MAF: variants seen among roughly 807,000 people sequenced by gnomAD.
MAF encodes MAF bZIP transcription factor, also known as transcription factor Maf.
In MAF, 10 loss-of-function variants were observed where a neutral mutation model predicts 22.0. The observed-to-expected ratio is 0.45, with a 90% CI of 0.28 to 0.77. The LOEUF (loss-of-function observed/expected upper bound fraction) is 0.77, where lower values mean the gene tolerates loss of function less well. MAF is among the 30% of genes least tolerant of loss of function. The pLI is 0.12. For missense variants in MAF, 544 were observed against 548.4 expected (o/e 0.99, Z 0.08); for synonymous variants, 337 against 255.8 (o/e 1.32, Z -3.03).
the MAF span, among the ~76,000 whole-genome samples, chr16:79,480,102 T>C: frequency 6.6e-6 from 1 of 152,286 alleles, no homozygotes; most frequent in East Asian, 1.9e-4. Context: ...TGTACCCAGA[T>C]ACTCCTTGAC....
At chr16:79,597,043 A>G in intron 1 of MAF, 1 of 1,057,452 alleles carries the variant, frequency 9.5e-7, no homozygotes, top group South Asian at 4.6e-5. Context: ...TTGGTTTTCA[A>G]TACAGTCAGT....
chr16:79,471,610 G>C, the MAF span, among the ~76,000 whole-genome samples: 1 of 152,216 alleles, frequency 6.6e-6, no homozygotes, highest in African/African-American at 2.4e-5. Context: ...CCTGGAAGCA[G>C]AGGTTGCAGT....
At chr16:79,452,562 C>G in the MAF span, among the ~76,000 whole-genome samples, 1 of 151,772 alleles carries the variant, frequency 6.6e-6, no homozygotes, top group African/African-American at 2.4e-5. Flanking sequence ...GTAAAATTTA[C>G]CCTCTCATTT....
At chr16:79,340,677 C>T in the MAF span, among the ~76,000 whole-genome samples, 2 of 151,924 alleles carry the variant, frequency 1.3e-5, no homozygotes, top group African/African-American at 2.4e-5. Flanking sequence ...GATAGGGAGA[C>T]ATCGAGTATC....
the MAF span, among the ~76,000 whole-genome samples, chr16:79,353,198 T>G: frequency 3.6e-4 from 55 of 152,136 alleles, 1 homozygote; most frequent in East Asian, 1.6e-3. Context: ...CTCAGCTCAC[T>G]GCAACCTCTG....
At chr16:79,250,270 G>A in the MAF span, among the ~76,000 whole-genome samples, 150 of 152,316 alleles carry the variant, frequency 9.8e-4, no homozygotes, top group African/African-American at 3.6e-3. Flanking sequence ...TTGCAAAGGA[G>A]GCCATCCAAA....
the MAF span, among the ~76,000 whole-genome samples, chr16:79,364,673 A>G: frequency 3.9e-5 from 6 of 152,298 alleles, no homozygotes; most frequent in African/African-American, 9.6e-5. Flanking sequence ...ATCCATGTGT[A>G]TATGTGCCAT....
the MAF span, among the ~76,000 whole-genome samples, chr16:79,231,893 G>T: frequency 1.3e-5 from 2 of 151,974 alleles, no homozygotes; most frequent in African/African-American, 4.8e-5. Context: ...TTATTTTCCT[G>T]CAACTAGACG....
the MAF span, among the ~76,000 whole-genome samples, chr16:79,527,894 C>T: frequency 2.0e-5 from 3 of 152,086 alleles, no homozygotes; most frequent in African/African-American, 7.2e-5. Context: ...GTAATCCCAC[C>T]ACTTTGGGAG....
the MAF span, among the ~76,000 whole-genome samples, chr16:79,335,413 G>T: frequency 6.6e-6 from 1 of 152,316 alleles, no homozygotes; most frequent in South Asian, 2.1e-4. Context: ...GCTAAGTCAA[G>T]CTGAAATGTG....
the MAF span, among the ~76,000 whole-genome samples, chr16:79,545,288 A>G: frequency 6.6e-6 from 1 of 152,176 alleles, no homozygotes; most frequent in Admixed American, 6.5e-5. Flanking sequence ...GAACATACAC[A>G]GTGTCTGTGT....
chr16:79,342,829 T>C, the MAF span, among the ~76,000 whole-genome samples: 13 of 152,162 alleles, frequency 8.5e-5, no homozygotes, highest in Non-Finnish European at 1.3e-4. Context: ...ACAGATCACA[T>C]GGTCCATGCA....
At chr16:79,274,332 C>T in the MAF span, among the ~76,000 whole-genome samples, 4,084 of 151,950 alleles carry the variant, frequency 0.027, 68 homozygotes, top group Middle Eastern at 0.044. Context: ...TCCATAAACC[C>T]GTGCTCACTC....
chr16:79,263,612 T>G, the MAF span, among the ~76,000 whole-genome samples: 3 of 152,360 alleles, frequency 2.0e-5, no homozygotes, highest in Admixed American at 6.5e-5. Context: ...CATGCCAATC[T>G]TAGTCAAAGT....
At chr16:79,222,979 G>C in the MAF span, among the ~76,000 whole-genome samples, 3 of 152,066 alleles carry the variant, frequency 2.0e-5, no homozygotes, top group African/African-American at 4.8e-5. Flanking sequence ...AAATTAACAA[G>C]GATATCCAGG....
At chr16:79,416,798 G>T in the MAF span, among the ~76,000 whole-genome samples, 1 of 152,206 alleles carries the variant, frequency 6.6e-6, no homozygotes, top group African/African-American at 2.4e-5. Context: ...GTAGAAAGTT[G>T]GGGAAGCCGC....
chr16:79,505,151 G>A, the MAF span, among the ~76,000 whole-genome samples: 16 of 152,138 alleles, frequency 1.1e-4, no homozygotes, highest in Non-Finnish European at 7.4e-5. Flanking sequence ...AAAATTCCAA[G>A]TAGGAGGAAA....
chr16:79,284,454 A>G, the MAF span, among the ~76,000 whole-genome samples: 7 of 152,198 alleles, frequency 4.6e-5, no homozygotes, highest in East Asian at 1.9e-4. Context: ...TAAGGCATCA[A>G]AAAATTTACC....
At chr16:79,245,806 C>T in the MAF span, among the ~76,000 whole-genome samples, 1 of 152,050 alleles carries the variant, frequency 6.6e-6, no homozygotes, top group Non-Finnish European at 1.5e-5. Context: ...TGGAACCAAC[C>T]CAAATGCCCA....
Sources: gnomAD v4.1 joint callset for allele counts (sites outside exome capture counted in the v4.1 genomes callset) on GRCh38, gnomAD v4.1.1 for gene constraint, MANE v1.5 for transcripts, NCBI Gene and HGNC (gene_info 2026-07-23, HGNC 2026-07-21) for gene names.